The following NAV1 variants were observed in gnomAD, a reference collection of about 807,000 sequenced individuals.
NAV1 encodes pore membrane and/or filament interacting like protein 3.
Under a neutral mutation model 175.2 loss-of-function variants are expected in NAV1, and 18 were observed. That is an observed-to-expected ratio of 0.10 (90% CI 0.07 to 0.15). NAV1 has a LOEUF of 0.15. Ranked by LOEUF, NAV1 falls within the 10% of genes least tolerant of loss-of-function variation. NAV1 has a pLI of 1.00. For missense variants in NAV1, 1,731 were observed against 2,436.6 expected, an observed-to-expected ratio of 0.71 and a Z score of 6.10; for synonymous variants, 897 against 978.7, an observed-to-expected ratio of 0.92 and a Z score of 1.56.
In NAV1 at chr1:201,807,567, A is replaced by C. The variant is rs1347484074; in HGVS notation, c.3649-386A>C. On this transcript the variant is annotated intron_variant, in intron 17 of 29. Coordinates refer to ENST00000367296, the Ensembl canonical transcript of NAV1. The surrounding 1 kb of genome is among the most constrained non-coding windows in gnomAD (Gnocchi z 5.4). The stretch of plus-strand genomic sequence containing the variant: ...CTGGGACCTTCTCTCTGTCCCCATC[A>C]GGGGCACAATTCCCCCTATGAGCAA... Among the ~76,000 whole-genome samples, 1 of 152,226 alleles carries C rather than the reference A, an allele frequency of 6.6e-6. No individual in the cohort carries two copies. Among genetic ancestry groups the C allele is most frequent in the Non-Finnish European group, 1.5e-5 (1 of 68,026 alleles).
chr1:201,737,035 C>T (rs1438412940), intron 3 of NAV1, among the ~76,000 whole-genome samples: 1 of 152,040 alleles, frequency 6.6e-6, no homozygotes, highest in African/African-American at 2.4e-5. Context: ...ATCCCTTCCA[C>T]TCTGCCACAC....
At chr1:201,735,103 C>T (rs1673055663) in intron 3 of NAV1, among the ~76,000 whole-genome samples, 1 of 152,200 alleles carries the variant, frequency 6.6e-6, no homozygotes, top group South Asian at 2.1e-4. Context: ...CTCTGGAACA[C>T]TCCACTGTGC....
In NAV1 at chr1:201,809,871, A is replaced by T. The variant is rs1571515611; in HGVS notation, c.4402-75A>T. ...TCTCCATCTATTTCTGTTTCCTCTG[A>T]TAGACATTCTTTGTTGTGGCTTTTA... is the stretch of plus-strand genomic sequence containing the variant. On this transcript the variant is annotated intron_variant, in intron 22 of 29. Coordinates refer to ENST00000367296, the Ensembl canonical transcript of NAV1. The T allele has an allele frequency of 2.2e-6, 3 of 1,372,820 alleles. No homozygotes were observed. In the East Asian group the frequency reaches 6.9e-5, roughly 32 times the overall value. 85.0% of individuals were successfully genotyped at this position (1,372,820 alleles called of 1,614,324 possible).
chr1:201,809,125 G>C (rs1371307947), intron 20 of NAV1, 39 bp from the exon 25 acceptor site: 1 of 1,579,932 alleles, frequency 6.3e-7, no homozygotes, highest in African/African-American at 1.3e-5. Flanking sequence ...AAGGCTGCGG[G>C]TACTCCTAAA....
intron 3 of NAV1, among the ~76,000 whole-genome samples, chr1:201,756,180 TTTAA>T (rs1197733937): frequency 6.7e-6 from 1 of 150,096 alleles, no homozygotes; most frequent in Non-Finnish European, 1.5e-5. Flanking sequence ...CACTTAACAG[TTTAA>T]TTACTACTAA....
At chr1:201,704,613 G>A (rs587164) in intron 1 of NAV1, among the ~76,000 whole-genome samples, 2 of 152,338 alleles carry the variant, frequency 1.3e-5, no homozygotes, top group African/African-American at 4.8e-5. Context: ...CCCTGGTTTT[G>A]TAATGGACAT....
chr1:201,816,658 C>T (rs1165818457), intron 28 of NAV1, among the ~76,000 whole-genome samples: 1 of 141,196 alleles, frequency 7.1e-6, no homozygotes, highest in South Asian at 2.3e-4. Flanking sequence ...CGAGGATTTA[C>T]ATTTGAGGAA....
At chr1:201,768,641 T>TAA (rs71281169) in intron 3 of NAV1, among the ~76,000 whole-genome samples, 12,116 of 113,990 alleles carry the variant, frequency 0.11, 1,157 homozygotes, top group African/African-American at 0.27. Flanking sequence ...TTGTCTCAAT[T>TAA]AAAAAAAAAA....
rs559500713 is a variant in NAV1, at chr1:201,785,356, C to T, written c.2846+5C>T. On this transcript the variant is annotated splice_donor_5th_base_variant and intron_variant, in intron 8 of 29. Transcript: ENST00000367296. The stretch of plus-strand genomic sequence containing the variant: ...TCTTCCCAAGAAAGGGCTCAGGTAA[C>T]CCTTTAATGTGTTTTTTCTTCCCTA... The T allele has an allele frequency of 6.6e-5, 107 of 1,612,662 alleles. 2 individuals are homozygous for T. The South Asian group carries it at 1.0e-3, about 16-fold the overall frequency.
intron 3 of NAV1, among the ~76,000 whole-genome samples, chr1:201,745,834 T>A (rs972774758): frequency 2.6e-5 from 4 of 152,108 alleles, no homozygotes; most frequent in African/African-American, 9.7e-5. Flanking sequence ...TTTATTGTAT[T>A]TATTTATTTA....
At position 201,649,115 on chromosome 1, in the gene NAV1, C is replaced by T; in HGVS notation, c.447C>T (p.Ala149=). The change falls in exon 1 of 30, where the codon GCC becomes GCT. Residue 149 remains alanine (A), a synonymous_variant. Coordinates refer to ENST00000367296, the Ensembl canonical transcript of NAV1. Reference sequence around the variant, plus strand: ...AGTCGGAGCACTCGCTCTTCCAGGCCAAGGGCAGCCCGGCGGGCGGCGCCA... The same window carrying T: ...AGTCGGAGCACTCGCTCTTCCAGGCTAAGGGCAGCCCGGCGGGCGGCGCCA... 5 of 1,612,702 alleles carry T rather than the reference C, an allele frequency of 3.1e-6. No individual in the cohort carries two copies. In the South Asian group the frequency reaches 5.5e-5, roughly 18 times the overall value.
chr1:201,546,344 AC>A (rs1342613139), intron 1 of NAV1, among the ~76,000 whole-genome samples: 1 of 151,998 alleles, frequency 6.6e-6, no homozygotes, highest in African/African-American at 2.4e-5. Context: ...ACTTACCCCT[AC>A]CTCACTGGGT....
At chr1:201,737,319 C>T (rs905025527) in intron 3 of NAV1, 3 of 152,196 alleles carry the variant, frequency 2.0e-5, no homozygotes, top group Admixed American at 6.5e-5. Flanking sequence ...GTGGGACTTA[C>T]CGTCCTCATC....
intron 3 of NAV1, among the ~76,000 whole-genome samples, chr1:201,767,748 A>G (rs1222383467): frequency 1.3e-5 from 2 of 152,156 alleles, no homozygotes; most frequent in Non-Finnish European, 2.9e-5. Flanking sequence ...GGGACCAGAG[A>G]TGGAACATCA....
At chr1:201,821,464 T>G (rs1189643534) in exon 30 of NAV1, 1 of 151,520 alleles carries the variant, frequency 6.6e-6, no homozygotes, top group East Asian at 2.0e-4. Context: ...TGACAAGTAC[T>G]TACTGAGTAC....
chr1:201,741,475 C>T (rs1558116525), intron 3 of NAV1, among the ~76,000 whole-genome samples: 1 of 150,902 alleles, frequency 6.6e-6, no homozygotes, highest in Non-Finnish European at 1.5e-5. Flanking sequence ...GGGCTGAGTC[C>T]TGGACAGCTC....
chr1:201,790,654 G>GCAGCC, intron 12 of NAV1, 35 bp from the exon 17 acceptor site: 1 of 1,613,844 alleles, frequency 6.2e-7, no homozygotes, highest in Non-Finnish European at 8.5e-7. Context: ...TACAGCTTCT[G>GCAGCC]CAGCCAGTAG....
intron 2 of NAV1, among the ~76,000 whole-genome samples, chr1:201,603,580 C>T (rs561169895): frequency 1.2e-4 from 19 of 152,300 alleles, no homozygotes; most frequent in Non-Finnish European, 1.9e-4. Flanking sequence ...TACATGGTCA[C>T]GTAGAATTGG....
intron 3 of NAV1, chr1:201,724,098 G>A (rs1479813209): frequency 1.3e-5 from 2 of 152,062 alleles, no homozygotes; most frequent in African/African-American, 4.8e-5. Flanking sequence ...CTGATCACCC[G>A]CTTGACACTA....
Sources: gnomAD v4.1 joint callset for allele counts (sites outside exome capture counted in the v4.1 genomes callset) on GRCh38, gnomAD v4.1.1 for gene constraint, Gnocchi (gnomAD v3.1) non-coding constraint, MANE v1.5 for transcripts, NCBI Gene and HGNC (gene_info 2026-07-23, HGNC 2026-07-21) for gene names.